The following CEP85L variants were observed in gnomAD, a reference collection of about 807,000 sequenced individuals.
CEP85L encodes centrosomal protein of 85 kDa-like.
In CEP85L, 60 loss-of-function variants were observed where a neutral mutation model predicts 100.3. That is an observed-to-expected ratio of 0.60 (90% confidence interval 0.49 to 0.74). The LOEUF is 0.74. Ranked by LOEUF, CEP85L falls within the 30% of genes least tolerant of loss-of-function variation. CEP85L has a pLI of 0.00. For missense variants in CEP85L, 973 were observed against 936.2 expected, an observed-to-expected ratio of 1.04 and a Z score of -0.51; for synonymous variants, 319 against 322.7, an observed-to-expected ratio of 0.99 and a Z score of 0.12.
At chr6:118,551,289 A>G (rs569941916) in intron 3 of CEP85L, among the ~76,000 whole-genome samples, 4 of 151,932 alleles carry the variant, frequency 2.6e-5, no homozygotes, top group East Asian at 1.9e-4. Flanking sequence ...AGTGCCTTTG[A>G]AAAGGTACTC....
At chr6:118,562,001 G>T (rs1437206222) in intron 3 of CEP85L, among the ~76,000 whole-genome samples, 1 of 152,056 alleles carries the variant, frequency 6.6e-6, no homozygotes, top group African/African-American at 2.4e-5. Context: ...ACTTCAAAAT[G>T]TCCAGAAATT....
intron 5 of CEP85L, 51 bp downstream of exon 5, chr6:118,511,247 T>C: frequency 9.2e-7 from 1 of 1,088,794 alleles, no homozygotes; most frequent in Non-Finnish European, 1.4e-6. Flanking sequence ...AAGTATATTA[T>C]TAACACAAGC....
chr6:118,621,022 C>A (rs369537574), intron 2 of CEP85L, among the ~76,000 whole-genome samples: 2 of 152,126 alleles, frequency 1.3e-5, no homozygotes, highest in Non-Finnish European at 2.9e-5. Flanking sequence ...AATGGAAGGA[C>A]AATTCGGTAG....
At chr6:118,587,731 A>AT (rs753406436) in intron 2 of CEP85L, among the ~76,000 whole-genome samples, 1 of 152,194 alleles carries the variant, frequency 6.6e-6, no homozygotes, top group Non-Finnish European at 1.5e-5. Context: ...CATCTGAGAT[A>AT]TTGGCCAGGG....
At chr6:118,698,746 A>T (rs1182311496) in intron 1 of CEP85L, among the ~76,000 whole-genome samples, 5 of 151,608 alleles carry the variant, frequency 3.3e-5, no homozygotes, top group Non-Finnish European at 5.9e-5. Flanking sequence ...TTAAGTGGGG[A>T]TGTGATAGGA....
intron 1 of CEP85L, among the ~76,000 whole-genome samples, chr6:118,639,360 A>AT (rs1474078196): frequency 2.6e-5 from 4 of 152,206 alleles, no homozygotes; most frequent in African/African-American, 4.8e-5. Context: ...CCCTTACGGC[A>AT]TATTAAATAA....
chr6:118,675,919 G>A (rs528530450), intron 1 of CEP85L, among the ~76,000 whole-genome samples: 69 of 152,108 alleles, frequency 4.5e-4, no homozygotes, highest in Non-Finnish European at 7.9e-4. Flanking sequence ...TAGAATATCT[G>A]ATAAAAGATT....
intron 2 of CEP85L, 32 bp downstream of exon 2, chr6:118,632,421 T>G: frequency 2.6e-6 from 4 of 1,537,322 alleles, no homozygotes; most frequent in South Asian, 2.5e-5. Context: ...TCTTCAAAGA[T>G]TCATATATAA....
chr6:118,646,868 A>G, intron 1 of CEP85L: 1 of 912,616 alleles, frequency 1.1e-6, no homozygotes, highest in Non-Finnish European at 1.3e-6. Context: ...GTTCACACAC[A>G]TAAATATTAC....
intron 3 of CEP85L, among the ~76,000 whole-genome samples, chr6:118,527,092 G>A (rs761163578): frequency 1.5e-5 from 2 of 133,486 alleles, no homozygotes; most frequent in Non-Finnish European, 3.1e-5. Context: ...AGAGCTCACC[G>A]CAACCTCTGC....
At position 118,577,991 on chromosome 6, in the gene CEP85L, G is replaced by A. The variant is rs149479582; in HGVS notation, c.233-11675C>T. Among the ~76,000 whole-genome samples, 14 of 152,218 alleles carry A rather than the reference G, an allele frequency of 9.2e-5. No homozygotes were observed. In the East Asian group the frequency reaches 1.9e-3, roughly 21 times the overall value. On this transcript the variant is annotated intron_variant, in intron 2 of 12. Transcript: ENST00000368491. ...TCCCCTGCCCTACTCACATAAGTTC[G>A]TACTCCTAAATGACCAAGAGGAACA...
chr6:118,487,377 T>C (rs557379760), intron 6 of CEP85L, among the ~76,000 whole-genome samples: 57 of 152,088 alleles, frequency 3.7e-4, no homozygotes, highest in African/African-American at 1.3e-3. Flanking sequence ...ACCTGGAGAG[T>C]AGTGTCAGCA....
chr6:118,490,595 A>G (rs931131137), intron 6 of CEP85L, among the ~76,000 whole-genome samples: 1 of 152,222 alleles, frequency 6.6e-6, no homozygotes, highest in Non-Finnish European at 1.5e-5. Flanking sequence ...ACTACCAGGT[A>G]TTTATCCAAG....
chr6:118,644,814 A>C (rs1775077682), intron 1 of CEP85L, among the ~76,000 whole-genome samples: 1 of 151,986 alleles, frequency 6.6e-6, no homozygotes, highest in African/African-American at 2.4e-5. Context: ...TCACCTAATA[A>C]CTGCAATGGC....
chr6:118,600,294 C>CTGGGTGG (rs1781663450), intron 2 of CEP85L, among the ~76,000 whole-genome samples: 2 of 426 alleles, frequency 4.7e-3, no homozygotes, highest in Admixed American at 0.091. Context: ...CCTGAGCCTT[C>CTGGGTGG]CTGGGGGTGT....
At chr6:118,483,240 A>T (rs182239115) in intron 7 of CEP85L, among the ~76,000 whole-genome samples, 53 of 152,312 alleles carry the variant, frequency 3.5e-4, no homozygotes, top group South Asian at 1.4e-3. Flanking sequence ...TAAGGAAAAA[A>T]AAATAAATAA....
At chr6:118,615,986 C>T (rs574111785) in intron 2 of CEP85L, among the ~76,000 whole-genome samples, 2 of 152,162 alleles carry the variant, frequency 1.3e-5, no homozygotes, top group Non-Finnish European at 2.9e-5. Context: ...GTAAGTATAA[C>T]AACTTTAAGT....
At chr6:118,523,293 T>C (rs1345665163) in intron 4 of CEP85L, among the ~76,000 whole-genome samples, 1 of 152,188 alleles carries the variant, frequency 6.6e-6, no homozygotes, top group African/African-American at 2.4e-5. Flanking sequence ...TTTTCAGAGC[T>C]TAGGTACTCA....
chr6:118,645,777 T>A (rs1775141390), intron 1 of CEP85L, among the ~76,000 whole-genome samples: 1 of 152,244 alleles, frequency 6.6e-6, no homozygotes, highest in South Asian at 2.1e-4. Flanking sequence ...TTCAATGATG[T>A]ATCCCCAGAG....
Sources: allele counts gnomAD v4.1 joint callset (sites outside exome capture counted in the v4.1 genomes callset), GRCh38; gene constraint gnomAD v4.1.1; transcripts MANE v1.5; gene names NCBI Gene and HGNC (gene_info 2026-07-23, HGNC 2026-07-21).